The following CSMD1 variants were observed in gnomAD, a reference collection of about 807,000 sequenced individuals.
The protein encoded by CSMD1 is CUB and Sushi multiple domains 1.
CSMD1 carries 213 observed loss-of-function variants against 417.5 expected under a neutral mutation model. The observed-to-expected ratio is 0.51, with a 90% CI of 0.46 to 0.57. The LOEUF is 0.57. Among genes scored for constraint, CSMD1 ranks in the 20% least tolerant of loss-of-function variants. The probability of loss-of-function intolerance (pLI) is 0.00; values close to 1 mark genes in which losing one functional copy is unlikely to be tolerated. For missense variants in CSMD1, 6,923 were observed against 4,529.7 expected (o/e 1.53, Z -15.17); for synonymous variants, 2,862 against 1,736.8 (o/e 1.65, Z -16.11).
At chr8:4,638,060 C>A (rs1051169329) in intron 1 of CSMD1, among the ~76,000 whole-genome samples, 17 of 152,112 alleles carry the variant, frequency 1.1e-4, no homozygotes, top group African/African-American at 4.1e-4. Context: ...AGGACAACAA[C>A]AAATTAAAAG....
chr8:3,599,995 G>A (rs773474675), intron 8 of CSMD1, among the ~76,000 whole-genome samples: 1 of 152,196 alleles, frequency 6.6e-6, no homozygotes, highest in Non-Finnish European at 1.5e-5. Context: ...CAGCATCATT[G>A]TGAGGGCAGG....
intron 3 of CSMD1, among the ~76,000 whole-genome samples, chr8:4,181,298 A>G (rs149809337): frequency 0.011 from 1,698 of 152,312 alleles, 13 homozygotes; most frequent in Non-Finnish European, 0.015. Flanking sequence ...TTGTAAAACA[A>G]TAATGATTTA....
intron 1 of CSMD1, among the ~76,000 whole-genome samples, chr8:4,796,507 C>T (rs1469285024): frequency 6.6e-6 from 1 of 152,004 alleles, no homozygotes; most frequent in East Asian, 1.9e-4. Context: ...AATGGTCTTT[C>T]TCAATGACCT....
At chr8:3,593,610 C>T (rs961035777) in intron 8 of CSMD1, among the ~76,000 whole-genome samples, 1 of 152,210 alleles carries the variant, frequency 6.6e-6, no homozygotes, top group Non-Finnish European at 1.5e-5. Context: ...AATTTTAACT[C>T]TTTTAAGAAT....
intron 6 of CSMD1, among the ~76,000 whole-genome samples, chr8:3,713,501 C>G (rs1012951789): frequency 2.0e-5 from 3 of 152,134 alleles, no homozygotes; most frequent in African/African-American, 7.2e-5. Context: ...TCCCTGTAAT[C>G]CCTCTGCCCC....
At chr8:4,441,095 G>GTT (rs36000734) in intron 2 of CSMD1, among the ~76,000 whole-genome samples, 1,765 of 51,184 alleles carry the variant, frequency 0.034, 427 homozygotes, top group African/African-American at 0.096. Context: ...TAATCAAAAG[G>GTT]TTTTTTTTTT....
intron 26 of CSMD1, among the ~76,000 whole-genome samples, chr8:3,281,151 T>C (rs947880912): frequency 1.3e-5 from 2 of 152,132 alleles, no homozygotes; most frequent in East Asian, 1.9e-4. Context: ...AATAAGAAAA[T>C]GGGTAAACAG....
At chr8:4,161,281 C>G (rs1337812114) in intron 3 of CSMD1, among the ~76,000 whole-genome samples, 1 of 152,196 alleles carries the variant, frequency 6.6e-6, no homozygotes, top group African/African-American at 2.4e-5. Flanking sequence ...CATTACATAA[C>G]TCACCAGCTA....
chr8:3,112,147 T>C (rs1334875916), intron 42 of CSMD1, among the ~76,000 whole-genome samples: 2 of 152,028 alleles, frequency 1.3e-5, no homozygotes, highest in South Asian at 2.1e-4. Flanking sequence ...TGCTACCTCC[T>C]TTCAAGAGTC....
chr8:3,651,417 T>G (rs1411526433), intron 7 of CSMD1, among the ~76,000 whole-genome samples: 1 of 152,054 alleles, frequency 6.6e-6, no homozygotes, highest in East Asian at 1.9e-4. Flanking sequence ...ATGGAGTACC[T>G]CGAACTTGCT....
In CSMD1 at chr8:3,762,031, C is replaced by T. The variant is rs183008986; in HGVS notation, c.819-7989G>A. ...TCTAGCCACGGCCTTTAGCTTTTTC[C>T]TTGTGCCCTCCTATAGTCAATTTTT... On this transcript the variant is annotated intron_variant, in intron 5 of 69. Transcript: ENST00000635120. Among the ~76,000 whole-genome samples the T allele has an allele frequency of 1.7e-4, 26 of 152,198 alleles. No individual in the cohort carries two copies. The East Asian group carries it at 4.7e-3, about 27-fold the overall frequency.
intron 50 of CSMD1, among the ~76,000 whole-genome samples, chr8:3,036,258 G>C (rs979512984): frequency 3.9e-5 from 6 of 152,152 alleles, no homozygotes; most frequent in African/African-American, 1.4e-4. Flanking sequence ...ATTTAGACAA[G>C]GGAAGTGAGA....
At chr8:4,427,065 G>C (rs976860901) in intron 2 of CSMD1, among the ~76,000 whole-genome samples, 10 of 152,030 alleles carry the variant, frequency 6.6e-5, no homozygotes, top group African/African-American at 2.2e-4. Context: ...CAGAGAGCTT[G>C]GGAGATCAAA....
intron 1 of CSMD1, among the ~76,000 whole-genome samples, chr8:4,840,936 T>A (rs1293136016): frequency 6.6e-6 from 1 of 152,236 alleles, no homozygotes; most frequent in South Asian, 2.1e-4. Context: ...CAAATATCCC[T>A]AATCTATACT....
At chr8:4,661,032 G>A (rs1804565752) in intron 1 of CSMD1, among the ~76,000 whole-genome samples, 1 of 152,084 alleles carries the variant, frequency 6.6e-6, no homozygotes, top group Non-Finnish European at 1.5e-5. Context: ...ATGCAAAATG[G>A]CACAGCCACC....
intron 5 of CSMD1, among the ~76,000 whole-genome samples, chr8:3,916,935 C>G (rs1019534373): frequency 1.3e-5 from 2 of 152,046 alleles, no homozygotes; most frequent in Admixed American, 6.6e-5. Flanking sequence ...ATAATCTGCA[C>G]TAAAAGCTGC....
At chr8:3,878,778 G>C (rs1244878286) in intron 5 of CSMD1, among the ~76,000 whole-genome samples, 1 of 152,126 alleles carries the variant, frequency 6.6e-6, no homozygotes, top group Non-Finnish European at 1.5e-5. Context: ...TCCTGAGTTT[G>C]TGCAAACTTT....
chr8:4,582,969 C>A (rs1436374243), intron 2 of CSMD1, among the ~76,000 whole-genome samples: 1 of 152,204 alleles, frequency 6.6e-6, no homozygotes, highest in East Asian at 1.9e-4. Flanking sequence ...ACATAGCACC[C>A]GGGCCAGTGG....
At chr8:3,124,722 G>A (rs1052028734) in intron 41 of CSMD1, among the ~76,000 whole-genome samples, 10 of 152,162 alleles carry the variant, frequency 6.6e-5, no homozygotes, top group South Asian at 4.1e-4. Flanking sequence ...ACCACAGGAC[G>A]TTCATTAGAA....
Sources: allele counts gnomAD v4.1 joint callset (sites outside exome capture counted in the v4.1 genomes callset), GRCh38; gene constraint gnomAD v4.1.1; transcripts MANE v1.5; gene names NCBI Gene and HGNC (gene_info 2026-07-23, HGNC 2026-07-21).